The following EHHADH variants were observed in gnomAD, a reference collection of about 807,000 sequenced individuals.
The protein encoded by EHHADH is enoyl-CoA hydratase and 3-hydroxyacyl CoA dehydrogenase, also known as peroxisomal bifunctional enzyme.
EHHADH carries 48 observed loss-of-function variants against 64.4 expected under a neutral mutation model. The observed-to-expected ratio is 0.75, with a 90% confidence interval of 0.59 to 0.95. The LOEUF (loss-of-function observed/expected upper bound fraction) is 0.95, where lower values mean the gene tolerates loss of function less well. EHHADH is among the 40% of genes least tolerant of loss of function. EHHADH has a pLI of 0.00. For missense variants in EHHADH, 854 were observed against 876.6 expected, an observed-to-expected ratio of 0.97 and a Z score of 0.33; for synonymous variants, 308 against 326.7, an observed-to-expected ratio of 0.94 and a Z score of 0.62.
At chr3:185,242,308 A>T (rs1213105178) in intron 2 of EHHADH, among the ~76,000 whole-genome samples, 2 of 152,210 alleles carry the variant, frequency 1.3e-5, no homozygotes, top group African/African-American at 4.8e-5. Context: ...ACAGAATTAG[A>T]AAAAGAATTC....
At chr3:185,208,820 C>T (rs1718465605) in intron 5 of EHHADH, among the ~76,000 whole-genome samples, 1 of 152,070 alleles carries the variant, frequency 6.6e-6, no homozygotes, top group South Asian at 2.1e-4. Flanking sequence ...TAGAGCCATG[C>T]AATAGAATAT....
rs2108622155 is a variant in EHHADH, at chr3:185,192,694, T to C, written c.1704A>G (p.Leu568=). The C allele has an allele frequency of 1.2e-6, 2 of 1,614,214 alleles. No homozygotes were observed. The highest frequency in any genetic ancestry group is 8.5e-7 in the Non-Finnish European group (1 of 1,180,034). Reference sequence around the variant, plus strand: ...TACCTGTCTTCTGGCCAAATCGTCCTAATTCACAGAGCACATCAGGAATTG... The same window carrying C: ...TACCTGTCTTCTGGCCAAATCGTCCCAATTCACAGAGCACATCAGGAATTG... ...YCPIPDVLCE[L]GRFGQKTGKG... The change falls in exon 7 of 7, where the codon TTA becomes TTG. Residue 568 remains leucine, a synonymous_variant. Transcript: ENST00000231887.
Position 185,235,315 on chromosome 3 carries a change from C to A in EHHADH, c.326G>T (p.Cys109Phe). ...FGGGLELALG[C>F]HYRIAHAEAQ... ...CTCTGCGTGGGCAATCCTATAGTGACAGCCCAGGGCCAGCTCTAGTCCCCC... is the reference window on the plus strand; with the variant it reads ...CTCTGCGTGGGCAATCCTATAGTGAAAGCCCAGGGCCAGCTCTAGTCCCCC... The change falls in exon 3 of 7, where the codon TGT becomes TTT. Residue 109 changes from cysteine to phenylalanine, a missense_variant. By Grantham distance (205) the Cys-to-Phe change is radical. Coordinates refer to ENST00000231887, the MANE Select transcript of EHHADH (RefSeq NM_001966.4). The A allele has an allele frequency of 6.2e-7, 1 of 1,613,214 alleles. No individual in the cohort carries two copies. Among genetic ancestry groups the A allele is most frequent in the Non-Finnish European group, 8.5e-7 (1 of 1,179,598 alleles).
intron 2 of EHHADH, among the ~76,000 whole-genome samples, chr3:185,247,373 T>A (rs1190409609): frequency 1.3e-5 from 2 of 152,118 alleles, no homozygotes; most frequent in African/African-American, 2.4e-5. Flanking sequence ...ATCGTCATCA[T>A]CTTGGGTGAC....
chr3:185,252,828 C>A (rs891922074), intron 1 of EHHADH, among the ~76,000 whole-genome samples: 9 of 152,100 alleles, frequency 5.9e-5, no homozygotes, highest in Non-Finnish European at 1.3e-4. Flanking sequence ...GAATTTTGAC[C>A]AAAGACCTTT....
intron 5 of EHHADH, among the ~76,000 whole-genome samples, chr3:185,211,559 G>GTC (rs144431357): frequency 4.9e-4 from 73 of 150,488 alleles, no homozygotes; most frequent in South Asian, 1.5e-3. Flanking sequence ...CAAGGAATCT[G>GTC]TCTCTCTCTC....
chr3:185,200,137 T>C (rs528034108), intron 6 of EHHADH, among the ~76,000 whole-genome samples: 1 of 152,310 alleles, frequency 6.6e-6, no homozygotes, highest in Admixed American at 6.5e-5. Flanking sequence ...GATTGCTGGG[T>C]TACCTGTTAC....
At chr3:185,209,911 A>G (rs180858093) in intron 5 of EHHADH, among the ~76,000 whole-genome samples, 1 of 152,346 alleles carries the variant, frequency 6.6e-6, no homozygotes, top group African/African-American at 2.4e-5. Context: ...AGGCCCACCA[A>G]TTACTTGCTC....
chr3:185,242,675 A>G (rs545132883), intron 2 of EHHADH, among the ~76,000 whole-genome samples: 5 of 152,302 alleles, frequency 3.3e-5, no homozygotes, highest in Admixed American at 1.3e-4. Context: ...TGGCAGACTC[A>G]GGCCTCACCC....
chr3:185,252,971 C>A (rs184111742), intron 1 of EHHADH, among the ~76,000 whole-genome samples: 47 of 152,050 alleles, frequency 3.1e-4, no homozygotes, highest in Middle Eastern at 6.8e-3. Context: ...ACCAAATAAT[C>A]ATTACTTTTC....
In EHHADH at chr3:185,240,287, T is replaced by C. The variant is rs552128728; in HGVS notation, c.179-4825A>G. ...TCAAGGTGGTACTGCTTTCATAGAA[T>C]GATTTAGGGAGGAATCTTTCCTCCT... is the stretch of plus-strand genomic sequence containing the variant. On this transcript the variant is annotated intron_variant, in intron 2 of 6. Transcript: ENST00000231887. Among the ~76,000 whole-genome samples the C allele has an allele frequency of 2.6e-5, 4 of 151,890 alleles. No homozygotes were observed. The South Asian group carries it at 8.3e-4, about 32-fold the overall frequency.
rs760885049 is a variant in EHHADH at position 185,192,824 on chromosome 3, G to C, written c.1574C>G (p.Ala525Gly). Residue 525 changes from alanine to glycine, a missense_variant, in exon 7 of 7, where the codon GCT becomes GGT. Coordinates refer to ENST00000231887, the MANE Select transcript of EHHADH (RefSeq NM_001966.4). ...AGATTTCCAGCCCACATCCAACCCAGCAAGATCAGACACTCTAAAAGGTCC... is the reference window on the plus strand; with the variant it reads ...AGATTTCCAGCCCACATCCAACCCACCAAGATCAGACACTCTAAAAGGTCC... ...KMGPFRVSDL[A>G]GLDVGWKSRK... The C allele has an allele frequency of 1.9e-6, 3 of 1,613,934 alleles. No homozygotes were observed. In the African/African-American group the frequency reaches 4.0e-5, roughly 22 times the overall value.
At chr3:185,196,149 T>C (rs1486781528) in intron 6 of EHHADH, among the ~76,000 whole-genome samples, 4 of 152,250 alleles carry the variant, frequency 2.6e-5, no homozygotes, top group Non-Finnish European at 4.4e-5. Flanking sequence ...TGAGATACGA[T>C]GAGACATTTT....
chr3:185,213,018 G>A (rs1718585638), intron 5 of EHHADH, among the ~76,000 whole-genome samples: 1 of 148,108 alleles, frequency 6.8e-6, no homozygotes, highest in South Asian at 2.2e-4. Flanking sequence ...TACTTGGGAG[G>A]CTGAGGCAGG....
intron 5 of EHHADH, among the ~76,000 whole-genome samples, chr3:185,212,570 G>A (rs979572193): frequency 3.3e-5 from 5 of 152,052 alleles, no homozygotes; most frequent in Non-Finnish European, 7.4e-5. Context: ...TTTCGTTGTT[G>A]TTGTTGTTTT....
intron 5 of EHHADH, among the ~76,000 whole-genome samples, chr3:185,208,307 C>T (rs1213812212): frequency 6.6e-6 from 1 of 152,186 alleles, no homozygotes; most frequent in Non-Finnish European, 1.5e-5. Context: ...AGCAGATTCT[C>T]CCCCTGACCC....
intron 2 of EHHADH, 84 bp downstream of exon 2, chr3:185,248,330 A>G: frequency 1.0e-6 from 1 of 988,038 alleles, no homozygotes; most frequent in Non-Finnish European, 1.6e-6. Flanking sequence ...CTAAGTTATT[A>G]CCAACAAGCA....
chr3:185,246,440 ATGGATG>A, intron 2 of EHHADH: 1 of 485,784 alleles, frequency 2.1e-6, no homozygotes, highest in South Asian at 2.5e-5. Context: ...ATCTCCAGAT[ATGGATG>A]CGATTCCAGT....
chr3:185,242,882 C>CT, intron 2 of EHHADH, among the ~76,000 whole-genome samples: 1 of 152,332 alleles, frequency 6.6e-6, no homozygotes, highest in Non-Finnish European at 1.5e-5. Flanking sequence ...GGCCAGGAGG[C>CT]TTCTAGACTG....
Sources: gnomAD v4.1 joint callset for allele counts (sites outside exome capture counted in the v4.1 genomes callset) on GRCh38, gnomAD v4.1.1 for gene constraint, MANE v1.5 for transcripts, NCBI Gene and HGNC (gene_info 2026-07-23, HGNC 2026-07-21) for gene names.